FOXP1: variants seen among roughly 807,000 people sequenced by gnomAD.
FOXP1 encodes the protein forkhead box protein P1.
In FOXP1, 15 loss-of-function variants were observed where a neutral mutation model predicts 98.2. That is an observed-to-expected ratio of 0.15 (90% CI 0.10 to 0.24). The LOEUF (loss-of-function observed/expected upper bound fraction) is 0.24, where lower values mean the gene tolerates loss of function less well. FOXP1 is among the 10% of genes least tolerant of loss of function. The pLI, the probability that FOXP1 is intolerant of heterozygous loss-of-function variation, is 1.00. For synonymous variants in FOXP1, 371 were observed against 314.5 expected, an observed-to-expected ratio of 1.18 and a Z score of -1.90; for missense variants, 633 against 848.5, an observed-to-expected ratio of 0.75 and a Z score of 3.15.
intron 3 of FOXP1, among the ~76,000 whole-genome samples, chr3:71,375,343 C>A (rs1048666491): frequency 6.6e-6 from 1 of 152,106 alleles, no homozygotes; most frequent in Non-Finnish European, 1.5e-5. Context: ...AACAAATTGG[C>A]CTGAATAAAG....
intron 13 of FOXP1, among the ~76,000 whole-genome samples, chr3:70,989,585 A>T (rs1559655067): frequency 1.3e-5 from 2 of 151,920 alleles, no homozygotes; most frequent in Non-Finnish European, 1.5e-5. Context: ...CATTATTATT[A>T]TTTTTTTTAA....
intron 2 of FOXP1, among the ~76,000 whole-genome samples, chr3:71,533,839 G>C (rs12493182): frequency 0.039 from 5,945 of 152,220 alleles, 373 homozygotes; most frequent in East Asian, 0.18. Flanking sequence ...AAAAATAACA[G>C]AACTCAACAT....
intron 3 of FOXP1, among the ~76,000 whole-genome samples, chr3:71,444,152 A>C (rs2086198614): frequency 6.6e-6 from 1 of 152,210 alleles, no homozygotes; most frequent in Non-Finnish European, 1.5e-5. Context: ...GGCCTGCGCC[A>C]ACCACAGCTT....
chr3:71,226,159 C>T (rs573986730), intron 5 of FOXP1, among the ~76,000 whole-genome samples: 1 of 152,310 alleles, frequency 6.6e-6, no homozygotes, highest in East Asian at 1.9e-4. Context: ...TGCTGCTGGA[C>T]GCCTCTGAGG....
chr3:71,278,243 G>C lies in FOXP1; in HGVS notation c.-12+21577C>G, dbSNP rs61646746. Reference sequence around the variant, plus strand: ...CAATAATTAGCTACTGTCATCAATAGCTTTTGATATTATTCCTGTTTTTTA... The same window carrying C: ...CAATAATTAGCTACTGTCATCAATACCTTTTGATATTATTCCTGTTTTTTA... On this transcript the variant is annotated intron_variant, in intron 5 of 20. Coordinates refer to ENST00000649528, the MANE Select transcript of FOXP1 (RefSeq NM_001349338.3). Among the ~76,000 whole-genome samples the C allele has an allele frequency of 5.3e-3, 805 of 152,276 alleles. 8 individuals carry two copies. The highest frequency in any genetic ancestry group is 0.018 in the African/African-American group (765 of 41,548).
chr3:71,377,082 G>T (rs537143146), intron 3 of FOXP1, among the ~76,000 whole-genome samples: 1 of 152,098 alleles, frequency 6.6e-6, no homozygotes, highest in Non-Finnish European at 1.5e-5. Flanking sequence ...GTGTTAAAAC[G>T]TGAGTCAATG....
chr3:71,399,040 T>C (rs1023573466), intron 3 of FOXP1, among the ~76,000 whole-genome samples: 1 of 152,198 alleles, frequency 6.6e-6, no homozygotes, highest in Non-Finnish European at 1.5e-5. Flanking sequence ...GATTTAGACA[T>C]AAAAGTTATT....
intron 6 of FOXP1, among the ~76,000 whole-genome samples, chr3:71,149,660 C>T (rs552073328): frequency 1.1e-4 from 16 of 152,108 alleles, no homozygotes; most frequent in Non-Finnish European, 1.5e-4. Flanking sequence ...AAGGTATAGC[C>T]GATAAATACA....
intron 3 of FOXP1, among the ~76,000 whole-genome samples, chr3:71,421,442 T>C (rs2083639630): frequency 6.6e-6 from 1 of 152,264 alleles, no homozygotes; most frequent in South Asian, 2.1e-4. Context: ...GTTATCTTTT[T>C]ATTCAATAAG....
At chr3:71,525,389 GA>G (rs1245737355) in intron 2 of FOXP1, among the ~76,000 whole-genome samples, 3 of 152,076 alleles carry the variant, frequency 2.0e-5, no homozygotes, top group Non-Finnish European at 4.4e-5. Flanking sequence ...AATTTCAGAC[GA>G]AAAAAAGGCA....
intron 3 of FOXP1, among the ~76,000 whole-genome samples, chr3:71,476,064 G>C (rs2089808473): frequency 6.6e-6 from 1 of 152,094 alleles, no homozygotes; most frequent in Non-Finnish European, 1.5e-5. Context: ...CAAGAAAGCA[G>C]ATTATCCGAT....
At chr3:71,558,522 G>A (rs568125389) in intron 2 of FOXP1, among the ~76,000 whole-genome samples, 32 of 149,836 alleles carry the variant, frequency 2.1e-4, no homozygotes, top group Admixed American at 4.0e-4. Flanking sequence ...TTGAGATGGA[G>A]TCTCACTCTG....
Position 71,409,295 on chromosome 3 carries a change from T to G in FOXP1, c.-167-50051A>C, listed in dbSNP as rs80182913. Among the ~76,000 whole-genome samples the G allele has an allele frequency of 1.6e-4, 25 of 152,304 alleles. No individual in the cohort carries two copies. The East Asian group carries it at 4.8e-3, about 29-fold the overall frequency. Reference sequence around the variant, plus strand: ...AGAGAAACATTATATAGTGTTTGATTTGTTTCCCCATCTAGGATAAAAGTG... The same window carrying G: ...AGAGAAACATTATATAGTGTTTGATGTGTTTCCCCATCTAGGATAAAAGTG... On this transcript the variant is annotated intron_variant, in intron 3 of 20. Coordinates refer to ENST00000649528, the MANE Select transcript of FOXP1 (RefSeq NM_001349338.3).
intron 5 of FOXP1, among the ~76,000 whole-genome samples, chr3:71,200,104 AAG>A (rs1553777310): frequency 1.3e-5 from 2 of 151,386 alleles, no homozygotes; most frequent in South Asian, 4.2e-4. Context: ...AAAAAAAAAA[AAG>A]AGAGAAAATA....
chr3:71,131,627 T>C (rs1010923574), intron 6 of FOXP1, among the ~76,000 whole-genome samples: 1 of 152,218 alleles, frequency 6.6e-6, no homozygotes, highest in Non-Finnish European at 1.5e-5. Flanking sequence ...GGAAATTTTT[T>C]ACTGGAATTC....
At chr3:71,365,836 A>G (rs2078887408) in intron 3 of FOXP1, among the ~76,000 whole-genome samples, 1 of 152,188 alleles carries the variant, frequency 6.6e-6, no homozygotes, top group East Asian at 1.9e-4. Context: ...TACAAAAATT[A>G]GCTGAGCGTG....
intron 11 of FOXP1, among the ~76,000 whole-genome samples, chr3:71,017,739 G>C (rs2044722491): frequency 6.6e-6 from 1 of 151,944 alleles, no homozygotes; most frequent in Non-Finnish European, 1.5e-5. Flanking sequence ...CTTCATGTTT[G>C]TTATATTTGT....
intron 18 of FOXP1, chr3:70,972,053 C>T (rs761606953): frequency 1.7e-5 from 25 of 1,497,864 alleles, no homozygotes; most frequent in Admixed American, 6.8e-5. Flanking sequence ...GCAGTATTTG[C>T]GAGGACGGCC....
chr3:71,062,938 T>C (rs930535823), intron 7 of FOXP1, among the ~76,000 whole-genome samples: 2 of 152,250 alleles, frequency 1.3e-5, no homozygotes, highest in African/African-American at 4.8e-5. Context: ...GTATTTTTAT[T>C]TGCATCTTCT....
Sources: allele counts gnomAD v4.1 joint callset (sites outside exome capture counted in the v4.1 genomes callset), GRCh38; gene constraint gnomAD v4.1.1; transcripts MANE v1.5; gene names NCBI Gene and HGNC (gene_info 2026-07-23, HGNC 2026-07-21).